The following ZBTB20 variants were observed in gnomAD, a reference collection of about 807,000 sequenced individuals.
ZBTB20 encodes the protein zinc finger and BTB domain containing 20, also known as zinc finger and BTB domain-containing protein 20.
ZBTB20 carries 9 observed loss-of-function variants against 56.9 expected under a neutral mutation model. The observed-to-expected ratio is 0.16, with a 90% CI of 0.10 to 0.28. The LOEUF is 0.28. ZBTB20 is among the 10% of genes least tolerant of loss of function. ZBTB20 has a pLI of 1.00. For synonymous variants in ZBTB20, 417 were observed against 420.7 expected (o/e 0.99, Z 0.11); for missense variants, 655 against 1,003.0 (o/e 0.65, Z 4.69).
At chr3:114,929,301 T>C (rs1439269390) in intron 3 of ZBTB20, among the ~76,000 whole-genome samples, 1 of 152,118 alleles carries the variant, frequency 6.6e-6, no homozygotes, top group African/African-American at 2.4e-5. Flanking sequence ...CCTAGAAAAC[T>C]AGCAGTCGGT....
intron 6 of ZBTB20, among the ~76,000 whole-genome samples, chr3:114,526,122 A>C (rs2047192245): frequency 6.6e-6 from 1 of 152,054 alleles, no homozygotes; most frequent in Non-Finnish European, 1.5e-5. Context: ...CCTTGGCTCC[A>C]TCCTTGGCCT....
chr3:114,449,768 C>T (rs966400199), intron 7 of ZBTB20, among the ~76,000 whole-genome samples: 14 of 150,960 alleles, frequency 9.3e-5, no homozygotes, highest in African/African-American at 2.9e-4. Context: ...ATTTAGCTTT[C>T]GATTCCAGAT....
At chr3:115,094,077 T>C (rs1190048712) in intron 1 of ZBTB20, among the ~76,000 whole-genome samples, 3 of 152,098 alleles carry the variant, frequency 2.0e-5, no homozygotes, top group Non-Finnish European at 4.4e-5. Context: ...TTCTCTCTAC[T>C]TGTTTCTTAA....
intron 3 of ZBTB20, among the ~76,000 whole-genome samples, chr3:114,964,304 A>C (rs2077562663): frequency 6.6e-6 from 1 of 152,116 alleles, no homozygotes; most frequent in Non-Finnish European, 1.5e-5. Context: ...AATTCCAGCT[A>C]CTTGGGAACC....
At chr3:114,866,158 C>T (rs1168368810) in intron 4 of ZBTB20, among the ~76,000 whole-genome samples, 2 of 152,164 alleles carry the variant, frequency 1.3e-5, no homozygotes, top group Non-Finnish European at 2.9e-5. Flanking sequence ...AATAGCTGTT[C>T]TTCACTGAGT....
chr3:114,508,127 T>C (rs2044866076), intron 6 of ZBTB20, among the ~76,000 whole-genome samples: 1 of 152,160 alleles, frequency 6.6e-6, no homozygotes, highest in Non-Finnish European at 1.5e-5. Flanking sequence ...GAAAGTAATA[T>C]ATGAACTCAC....
intron 10 of ZBTB20, among the ~76,000 whole-genome samples, chr3:114,353,544 T>C (rs1209505673): frequency 1.3e-5 from 2 of 152,222 alleles, no homozygotes; most frequent in Non-Finnish European, 1.5e-5. Flanking sequence ...TTTTTACTTA[T>C]ATAAGACAAG....
chr3:115,011,707 T>C (rs781155703), intron 2 of ZBTB20, among the ~76,000 whole-genome samples: 50 of 151,868 alleles, frequency 3.3e-4, no homozygotes, highest in Non-Finnish European at 5.7e-4. Context: ...AATAAAAAAA[T>C]CATCTAACAG....
Position 114,725,396 on chromosome 3 carries a change from A to G in ZBTB20, c.-342-31821T>C, listed in dbSNP as rs1321822976. ...ATCGACTCATCCATTTTCTTCTTAC[A>G]AAATAATAAACAGGTTTCATAAAAT... On this transcript the variant is annotated intron_variant, in intron 5 of 11. Coordinates refer to ENST00000675478, the MANE Select transcript of ZBTB20 (RefSeq NM_001348800.3). Among the ~76,000 whole-genome samples, 3 of 145,038 alleles carry G rather than the reference A, an allele frequency of 2.1e-5. No homozygotes were observed. In the Admixed American group the frequency reaches 2.1e-4, roughly 10 times the overall value.
chr3:114,324,545 C>A lies in ZBTB20; in HGVS notation c.*14460G>T, dbSNP rs576044375. The A allele has an allele frequency of 6.6e-6, 1 of 151,930 alleles. No individual in the cohort carries two copies. The highest frequency in any genetic ancestry group is 6.6e-5 in the Admixed American group (1 of 15,256). The allele number at this position is 151,930 out of a possible 1,614,324, so 9.4% of individuals were successfully genotyped here. A position where few individuals can be genotyped will look rare whatever the true frequency, so the allele number is the denominator to read the frequency against. On this transcript the variant is annotated 3_prime_UTR_variant, in exon 12 of 12. Coordinates refer to ENST00000675478, the MANE Select transcript of ZBTB20 (RefSeq NM_001348800.3). ...AAATACAGATATACATACACATACA[C>A]AGAAATTCTCAAGGCCCCTCTCAGA...
chr3:115,127,592 C>CAAAAAATAAG (rs1330320866), intron 1 of ZBTB20, among the ~76,000 whole-genome samples: 5 of 151,494 alleles, frequency 3.3e-5, no homozygotes, highest in Non-Finnish European at 7.4e-5. Flanking sequence ...AACTCTGTCT[C>CAAAAAATAAG]AAAAAATAAG....
intron 4 of ZBTB20, among the ~76,000 whole-genome samples, chr3:114,894,074 A>G (rs1228755652): frequency 6.6e-6 from 1 of 151,418 alleles, no homozygotes; most frequent in Admixed American, 6.6e-5. Context: ...TAAATGTTCA[A>G]AGTATCTTTG....
intron 7 of ZBTB20, among the ~76,000 whole-genome samples, chr3:114,432,989 G>T (rs1444286233): frequency 6.6e-6 from 1 of 151,432 alleles, no homozygotes; most frequent in African/African-American, 2.4e-5. Context: ...CTTGAAACAG[G>T]GTGTACAAAA....
chr3:114,729,371 C>T (rs566192620), intron 5 of ZBTB20, among the ~76,000 whole-genome samples: 12 of 152,246 alleles, frequency 7.9e-5, no homozygotes, highest in African/African-American at 2.2e-4. Flanking sequence ...TAAAAAGTCT[C>T]GAAGCTATAG....
intron 7 of ZBTB20, among the ~76,000 whole-genome samples, chr3:114,440,720 C>T (rs1160805445): frequency 1.3e-5 from 2 of 152,180 alleles, no homozygotes; most frequent in East Asian, 3.9e-4. Context: ...CGAGTACTGT[C>T]TTGGACCCTT....
At chr3:114,503,286 T>G (rs1314887671) in intron 6 of ZBTB20, among the ~76,000 whole-genome samples, 1 of 152,166 alleles carries the variant, frequency 6.6e-6, no homozygotes, top group Non-Finnish European at 1.5e-5. Context: ...TTATTGGATA[T>G]AATTGTTGTA....
chr3:114,634,932 T>C (rs2059173372), intron 6 of ZBTB20, among the ~76,000 whole-genome samples: 1 of 152,056 alleles, frequency 6.6e-6, no homozygotes, highest in Admixed American at 6.6e-5. Flanking sequence ...AGCAAAGAAA[T>C]GAGGAGGGCA....
intron 6 of ZBTB20, among the ~76,000 whole-genome samples, chr3:114,544,415 TTC>T (rs201984727): frequency 2.3e-4 from 3 of 12,766 alleles, no homozygotes; most frequent in Admixed American, 1.0e-3. Flanking sequence ...TCTTCTTTCT[TTC>T]TTTCTTTCTT....
At chr3:114,744,407 A>G (rs2066870921) in intron 5 of ZBTB20, among the ~76,000 whole-genome samples, 1 of 152,190 alleles carries the variant, frequency 6.6e-6, no homozygotes, top group African/African-American at 2.4e-5. Context: ...CATTATTTGG[A>G]TACCATAAAA....
Sources: allele counts gnomAD v4.1 joint callset (sites outside exome capture counted in the v4.1 genomes callset), GRCh38; gene constraint gnomAD v4.1.1; transcripts MANE v1.5; gene names NCBI Gene and HGNC (gene_info 2026-07-23, HGNC 2026-07-21).